Variants in KLK10 observed in about 807,000 individuals in gnomAD.
KLK10 encodes kallikrein related peptidase 10.
In KLK10, 27 loss-of-function variants were observed where a neutral mutation model predicts 25.7. The observed-to-expected ratio is 1.05, with a 90% CI of 0.77 to 1.45. The LOEUF (loss-of-function observed/expected upper bound fraction) is 1.45, where lower values mean the gene tolerates loss of function less well. Among genes scored for constraint, KLK10 ranks in the 40% most tolerant of loss-of-function variants. The pLI is 0.00. For synonymous variants in KLK10, 173 were observed against 160.1 expected (o/e 1.08, Z -0.61); for missense variants, 386 against 370.0 (o/e 1.04, Z -0.35).
At chr19:51,017,626 G>C (rs188761625) in intron 2 of KLK10, among the ~76,000 whole-genome samples, 2 of 151,802 alleles carry the variant, frequency 1.3e-5, no homozygotes, top group Non-Finnish European at 2.9e-5. Context: ...GGGAGGTAAG[G>C]GTGCGGGGAT....
rs1405086179 is a variant in KLK10 at position 51,012,780 on chromosome 19, AC to A, written c.*2019del. 32 of 146,730 alleles carry A rather than the reference AC, an allele frequency of 2.2e-4. No homozygotes were observed. Among genetic ancestry groups the A allele is most frequent in the African/African-American group, 6.9e-4 (27 of 39,260 alleles). The allele number at this position is 146,730 out of a possible 1,614,324, so 9.1% of individuals were successfully genotyped here. On this transcript the variant is annotated 3_prime_UTR_variant, in exon 6 of 6. Coordinates refer to ENST00000358789, the MANE Select transcript of KLK10 (RefSeq NM_145888.3). ...ATAATAGGTGCTATTAAAAAAAAAAACAAACAAACAAAAAACAGAGCATCGG... is the reference window on the plus strand; with the variant it reads ...ATAATAGGTGCTATTAAAAAAAAAAAAAACAAACAAAAAACAGAGCATCGG...
Position 51,019,240 on chromosome 19 carries a change from G to C in KLK10, c.-9-101C>G. ...CAGCCTGGGCCACCCCAGCCCGCAAGCACCCTTTTGACCTGCAGCCGATAA... is the reference window on the plus strand; with the variant it reads ...CAGCCTGGGCCACCCCAGCCCGCAACCACCCTTTTGACCTGCAGCCGATAA... On this transcript the variant is annotated intron_variant, in intron 1 of 5. Transcript: ENST00000358789. The surrounding 1 kb of genome is among the most constrained non-coding windows in gnomAD (Gnocchi z 4.2). 1.3e-6 allele frequency: 1 copy of C among 766,598 alleles called. No homozygotes were observed. The highest frequency in any genetic ancestry group is 2.1e-6 in the Non-Finnish European group (1 of 480,408). 47.5% of individuals were successfully genotyped at this position (766,598 alleles called of 1,614,324 possible). A position where few individuals can be genotyped will look rare whatever the true frequency, so the allele number is the denominator to read the frequency against.
chr19:51,015,933 GC>G lies in KLK10; in HGVS notation c.492del (p.Gln164HisfsTer19). 6.3e-7 allele frequency: 1 copy of G among 1,589,400 alleles called. No individual in the cohort carries two copies. The highest frequency in any genetic ancestry group is 1.7e-4 in the Middle Eastern group (1 of 5,964). On this transcript the variant is annotated frameshift_variant, in exon 4 of 6. Coordinates refer to ENST00000358789, the MANE Select transcript of KLK10 (RefSeq NM_145888.3). LOFTEE classifies it high-confidence loss of function. ...CCAGCAACCTGGCACTGGTCTCCGG[GC>G]TGAGCACAGCGGTAGGGAAGCTGCA... Reference protein sequence around the residue: ...RALQLPYRCAQPGDQCQVAGW... With the variant: ...RALQLPYRCAXPGDQCQVAGW...
intron 3 of KLK10, among the ~76,000 whole-genome samples, chr19:51,016,357 T>C (rs2091328571): frequency 6.6e-6 from 1 of 152,078 alleles, no homozygotes. Context: ...GCTGGGGGCC[T>C]GGACACCTAG....
chr19:51,019,713 G>C (rs1268797777), upstream of KLK10: 5 of 152,294 alleles, frequency 3.3e-5, no homozygotes, highest in African/African-American at 4.8e-5. The surrounding 1 kb of genome is among the most constrained non-coding windows in gnomAD (Gnocchi z 4.2). Flanking sequence ...TCTGCCCAGG[G>C]ACCCCTGGCG....
At chr19:51,018,275 CGAAAGGAAGGAAG>C (rs1308107714) in intron 2 of KLK10, among the ~76,000 whole-genome samples, 17 of 89,030 alleles carry the variant, frequency 1.9e-4, no homozygotes, top group African/African-American at 4.0e-4. Context: ...AAGAAACAAA[CGAAAGGAAGGAAG>C]GAAAGGAAGG....
chr19:51,018,025 A>G (rs1476947662), intron 2 of KLK10, among the ~76,000 whole-genome samples: 1 of 133,088 alleles, frequency 7.5e-6, no homozygotes, highest in South Asian at 2.4e-4. Flanking sequence ...AAAAAAAAAA[A>G]GCCGGATGTG....
rs1371568160 is a variant in KLK10, at chr19:51,012,771, A to G, written c.*2029T>C. On this transcript the variant is annotated 3_prime_UTR_variant, in exon 6 of 6. Transcript: ENST00000358789. ...ATTTCAGGTATAATAGGTGCTATTA[A>G]AAAAAAAAACAAACAAACAAAAAAC... 1 of 22,956 alleles carries G rather than the reference A, an allele frequency of 4.4e-5. No homozygotes were observed. Among genetic ancestry groups the G allele is most frequent in the East Asian group, 9.2e-4 (1 of 1,092 alleles). 1.4% of individuals were successfully genotyped at this position (22,956 alleles called of 1,614,324 possible).
chr19:51,016,222 G>A, intron 3 of KLK10, 66 bp from the exon 4 acceptor site: 1 of 1,470,246 alleles, frequency 6.8e-7, no homozygotes, highest in Non-Finnish European at 9.0e-7. Flanking sequence ...GGTGGGCAGT[G>A]ACGCAGGGCC....
chr19:51,015,802 C>A, intron 4 of KLK10, 80 bp downstream of exon 4: 1 of 1,355,994 alleles, frequency 7.4e-7, no homozygotes. Context: ...CAGTCCCCAG[C>A]CCATCCTTCC....
At position 51,019,176 on chromosome 19, in the gene KLK10, G is replaced by T; in HGVS notation, c.-9-37C>A. ...TGTGCAGGGGCGGGTTAAAACAGAT[G>T]CTCCGTTAGAGACCCCCACCTCGCC... On this transcript the variant is annotated intron_variant, in intron 1 of 5. Transcript: ENST00000358789. This position sits in a 1 kb window ranked among gnomAD's most constrained non-coding sequence, Gnocchi z 4.2. The T allele has an allele frequency of 7.0e-7, 1 of 1,433,782 alleles. No homozygotes were observed. The allele number at this position is 1,433,782 out of a possible 1,614,324, so 88.8% of individuals were successfully genotyped here.
Position 51,013,140 on chromosome 19 carries a change from A to AT in KLK10, c.*1659dup, listed in dbSNP as rs2091285130. On this transcript the variant is annotated 3_prime_UTR_variant, in exon 6 of 6. Transcript: ENST00000358789. ...TGTCTGACATTTCCTGCGTGTGCTA[A>AT]TGGGGGCAGAATGGGAAAGAGGCCA... 1 of 152,152 alleles carries AT rather than the reference A, an allele frequency of 6.6e-6. No homozygotes were observed. Among genetic ancestry groups the AT allele is most frequent in the African/African-American group, 2.4e-5 (1 of 41,404 alleles). The allele number at this position is 152,152 out of a possible 1,614,324, so 9.4% of individuals were successfully genotyped here. A position where few individuals can be genotyped will look rare whatever the true frequency, so the allele number is the denominator to read the frequency against.
In KLK10 at chr19:51,017,157, G is replaced by A. The variant is rs745309398; in HGVS notation, c.222C>T (p.Val74=). 6.2e-7 allele frequency: 1 copy of A among 1,611,694 alleles called. No individual in the cohort carries two copies. Among genetic ancestry groups the A allele is most frequent in the Admixed American group, 1.7e-5 (1 of 59,892 alleles). ...TCAGCACCCAACTCTGGTCCACCAG[G>A]ACACCCGCGCAGTGGAACGAGAGGC... ...FNGLSFHCAG[V]LVDQSWVLTA... is the part of the protein sequence containing the mutation. The change falls in exon 3 of 6, where the codon GTC becomes GTT. Residue 74 remains valine (V), a synonymous_variant. Transcript: ENST00000358789.
chr19:51,017,408 G>C (rs751044170), intron 2 of KLK10, 118 bp from the exon 3 acceptor site: 7 of 903,896 alleles, frequency 7.7e-6, no homozygotes, highest in African/African-American at 1.7e-5. Context: ...AGAACGCGAG[G>C]GTGGTAGGGA....
Position 51,019,029 on chromosome 19 carries a change from G to GTT in KLK10, c.88+13_88+14insAA. 1 of 1,578,976 alleles carries GTT rather than the reference G, an allele frequency of 6.3e-7. No homozygotes were observed. ...CCACCGGCGCCTCTCCCCGCCCCCT[G>GTT]CCCCCGACCTTACCCCAGAGTTGCG... On this transcript the variant is annotated intron_variant, in intron 2 of 5. Transcript: ENST00000358789. The surrounding 1 kb of genome is among the most constrained non-coding windows in gnomAD (Gnocchi z 4.2).
In KLK10 at chr19:51,015,992, C is replaced by A. The variant is rs3097885; in HGVS notation, c.434G>T (p.Arg145Met). The stretch of plus-strand genomic sequence containing the variant: ...GACGCGGGGCCCCAGCACTACGGGC[C>A]TGGCCAGCTTCAGCAACATGAGATC... ...EHDLMLLKLA[R>M]PVVLGPRVRA... The change falls in exon 4 of 6, where the codon AGG (arginine) becomes ATG (methionine). Residue 145 changes from arginine (R) to methionine (M), a missense_variant. Coordinates refer to ENST00000358789, the MANE Select transcript of KLK10 (RefSeq NM_145888.3). 1 of 1,571,450 alleles carries A rather than the reference C, an allele frequency of 6.4e-7. No individual in the cohort carries two copies.
Position 51,017,157 on chromosome 19 carries a change from G to C in KLK10, c.222C>G (p.Val74=), listed in dbSNP as rs745309398. The part of the protein sequence containing the change: ...FNGLSFHCAG[V]LVDQSWVLTA... ...TCAGCACCCAACTCTGGTCCACCAGGACACCCGCGCAGTGGAACGAGAGGC... is the reference window on the plus strand; with the variant it reads ...TCAGCACCCAACTCTGGTCCACCAGCACACCCGCGCAGTGGAACGAGAGGC... Residue 74 remains valine (V), a synonymous_variant, in exon 3 of 6, where the codon GTC becomes GTG. Coordinates refer to ENST00000358789, the MANE Select transcript of KLK10 (RefSeq NM_145888.3). 3 of 1,611,812 alleles carry C rather than the reference G, an allele frequency of 1.9e-6. No homozygotes were observed. Among genetic ancestry groups the C allele is most frequent in the Non-Finnish European group, 1.7e-6 (2 of 1,179,658 alleles).
At chr19:51,019,936 C>A (rs959686572), upstream of KLK10, 2 of 152,022 alleles carry the variant, frequency 1.3e-5, no homozygotes, top group Non-Finnish European at 2.9e-5. This position sits in a 1 kb window ranked among gnomAD's most constrained non-coding sequence, Gnocchi z 4.2. Flanking sequence ...AACTGGCTTC[C>A]GTGGGGATTC....
intron 3 of KLK10, 135 bp downstream of exon 3, chr19:51,016,975 C>T (rs1203726065): frequency 1.7e-5 from 16 of 927,214 alleles, no homozygotes; most frequent in Non-Finnish European, 2.1e-5. Flanking sequence ...AGCCCGGTCT[C>T]TCCTCCTGCT....
Sources: allele counts gnomAD v4.1 joint callset (sites outside exome capture counted in the v4.1 genomes callset), GRCh38; gene constraint gnomAD v4.1.1; non-coding constraint Gnocchi (gnomAD v3.1); transcripts MANE v1.5; gene names NCBI Gene and HGNC (gene_info 2026-07-23, HGNC 2026-07-21).